Variants in PLPPR1 observed in about 807,000 individuals in gnomAD.
The protein encoded by PLPPR1 is phospholipid phosphatase-related protein type 1.
Under a neutral mutation model 33.1 loss-of-function variants are expected in PLPPR1, and 10 were observed. The ratio of observed to expected loss-of-function variants is 0.30; its 90% CI spans 0.19 to 0.51. PLPPR1 has a LOEUF of 0.51. Among genes scored for constraint, PLPPR1 ranks in the 20% least tolerant of loss-of-function variants. The pLI is 0.97. For missense variants in PLPPR1, 304 were observed against 408.1 expected (o/e 0.74, Z 2.20); for synonymous variants, 151 against 151.0 (o/e 1.00, Z 0.00).
intron 1 of PLPPR1, among the ~76,000 whole-genome samples, chr9:101,113,405 A>ATATATATCATATATAT (rs1831080989): frequency 1.3e-5 from 2 of 152,280 alleles, no homozygotes; most frequent in Non-Finnish European, 2.9e-5. Context: ...TGATATGAGT[A>ATATATATCATATATAT]AGGGATATAT....
intron 1 of PLPPR1, among the ~76,000 whole-genome samples, chr9:101,176,079 G>A (rs559173937): frequency 4.6e-5 from 7 of 152,232 alleles, no homozygotes; most frequent in East Asian, 3.9e-4. Flanking sequence ...CAATAGGAGC[G>A]GACAAATAAT....
chr9:101,178,861 A>G (rs1826057633), intron 1 of PLPPR1, among the ~76,000 whole-genome samples: 1 of 152,106 alleles, frequency 6.6e-6, no homozygotes, highest in African/African-American at 2.4e-5. Flanking sequence ...CATCACCCCT[A>G]GTGATCCACT....
At chr9:101,189,615 G>T (rs1826261096) in intron 2 of PLPPR1, among the ~76,000 whole-genome samples, 1 of 152,066 alleles carries the variant, frequency 6.6e-6, no homozygotes, top group Non-Finnish European at 1.5e-5. Flanking sequence ...AGGACTTATT[G>T]TGTATCCTGA....
chr9:101,260,220 A>G (rs1163155875), intron 2 of PLPPR1, among the ~76,000 whole-genome samples: 2 of 152,098 alleles, frequency 1.3e-5, no homozygotes, highest in African/African-American at 2.4e-5. Context: ...TGAAATATGA[A>G]TTTGGGGAGA....
intron 1 of PLPPR1, among the ~76,000 whole-genome samples, chr9:101,109,405 A>G (rs1033537444): frequency 6.6e-6 from 1 of 152,086 alleles, no homozygotes; most frequent in Non-Finnish European, 1.5e-5. Context: ...GGCGTAGTTG[A>G]TGCATTTAAA....
chr9:101,197,708 T>C lies in PLPPR1; in HGVS notation c.63+12151T>C, dbSNP rs1015612265. 2.0e-5 allele frequency among the ~76,000 whole-genome samples: 3 copies of C among 152,240 alleles called. No homozygotes were observed. The East Asian group carries it at 5.8e-4, about 29-fold the overall frequency. On this transcript the variant is annotated intron_variant, in intron 2 of 7. Coordinates refer to ENST00000374874, the MANE Select transcript of PLPPR1 (RefSeq NM_207299.2). ...TGGGATTAAAAACACATTTTCTGCG[T>C]TGAACTTGTATTACTTTTTATCAGA...
chr9:101,210,418 A>G (rs2118765954), intron 2 of PLPPR1, among the ~76,000 whole-genome samples: 1 of 152,232 alleles, frequency 6.6e-6, no homozygotes, highest in South Asian at 2.1e-4. Context: ...ACAGACTGGG[A>G]AGACAAGTCT....
At chr9:101,219,476 G>T (rs1445833711) in intron 2 of PLPPR1, among the ~76,000 whole-genome samples, 1 of 152,134 alleles carries the variant, frequency 6.6e-6, no homozygotes. Context: ...ACTGAACTAG[G>T]CAGTGTTCTA....
intron 7 of PLPPR1, among the ~76,000 whole-genome samples, chr9:101,322,198 CAAAAAAAAAAAAAAAAAA>C (rs57344415): frequency 1.8e-4 from 5 of 27,666 alleles, no homozygotes; most frequent in Non-Finnish European, 2.7e-4. Context: ...GACTTCATCT[CAAAAAAAAAAAAAAAAAA>C]AAAAAAAAAA....
chr9:101,238,883 A>G (rs915230465), intron 2 of PLPPR1, among the ~76,000 whole-genome samples: 2 of 150,576 alleles, frequency 1.3e-5, no homozygotes, highest in Non-Finnish European at 3.0e-5. Context: ...ACCTCTCTTT[A>G]TCCTCCTTTC....
chr9:101,135,946 G>A (rs1015564672), intron 1 of PLPPR1, among the ~76,000 whole-genome samples: 1 of 152,194 alleles, frequency 6.6e-6, no homozygotes. Context: ...GCTATGCTGG[G>A]AAGAGGAGGC....
intron 1 of PLPPR1, among the ~76,000 whole-genome samples, chr9:101,168,821 AC>A: frequency 6.6e-6 from 1 of 152,302 alleles, no homozygotes; most frequent in East Asian, 1.9e-4. Context: ...ATAGACTTCA[AC>A]ATAATGCAAG....
At chr9:101,176,055 G>A (rs1010093530) in intron 1 of PLPPR1, among the ~76,000 whole-genome samples, 3 of 152,184 alleles carry the variant, frequency 2.0e-5, no homozygotes, top group Non-Finnish European at 4.4e-5. Context: ...GGAGAAGCTG[G>A]CAACCACAAA....
chr9:101,259,353 G>C (rs542858753), intron 2 of PLPPR1, among the ~76,000 whole-genome samples: 22 of 152,262 alleles, frequency 1.4e-4, no homozygotes, highest in African/African-American at 5.1e-4. Flanking sequence ...ATATGGGCAG[G>C]ACAAAGGCCA....
intron 1 of PLPPR1, among the ~76,000 whole-genome samples, chr9:101,177,707 T>A (rs1319605336): frequency 6.6e-6 from 1 of 152,164 alleles, no homozygotes; most frequent in African/African-American, 2.4e-5. Flanking sequence ...ATTAATGAGG[T>A]TGTAAATATT....
chr9:101,043,794 C>G (rs1194654562), intron 1 of PLPPR1, among the ~76,000 whole-genome samples: 2 of 151,998 alleles, frequency 1.3e-5, no homozygotes, highest in Non-Finnish European at 2.9e-5. Flanking sequence ...TCACCGCATG[C>G]ACCCCAACAT....
At chr9:101,253,786 A>T (rs890636971) in intron 2 of PLPPR1, among the ~76,000 whole-genome samples, 2 of 152,218 alleles carry the variant, frequency 1.3e-5, no homozygotes, top group Non-Finnish European at 2.9e-5. Context: ...ACTGCCCAGT[A>T]TGTGGTTCAG....
At chr9:101,092,276 T>G (rs964480221) in intron 1 of PLPPR1, among the ~76,000 whole-genome samples, 5 of 152,200 alleles carry the variant, frequency 3.3e-5, no homozygotes, top group African/African-American at 9.7e-5. Context: ...CCTACTTCCC[T>G]ATTTCAGAAC....
intron 1 of PLPPR1, among the ~76,000 whole-genome samples, chr9:101,046,061 A>C (rs1049363274): frequency 1.3e-5 from 2 of 152,208 alleles, no homozygotes; most frequent in African/African-American, 4.8e-5. Context: ...TTTACTCCAC[A>C]AAATTCAACA....
Sources: gnomAD v4.1 joint callset for allele counts (sites outside exome capture counted in the v4.1 genomes callset) on GRCh38, gnomAD v4.1.1 for gene constraint, MANE v1.5 for transcripts, NCBI Gene and HGNC (gene_info 2026-07-23, HGNC 2026-07-21) for gene names.